The following DPP6 variants were observed in gnomAD, a reference collection of about 807,000 sequenced individuals.
DPP6 encodes the protein dipeptidyl peptidase like 6.
Under a neutral mutation model 122.6 loss-of-function variants are expected in DPP6, and 69 were observed. The observed-to-expected ratio is 0.56, with a 90% CI of 0.46 to 0.69. DPP6 has a LOEUF of 0.69. DPP6 is among the 30% of genes least tolerant of loss of function. DPP6 has a pLI of 0.00. For synonymous variants in DPP6, 418 were observed against 433.1 expected, an observed-to-expected ratio of 0.97 and a Z score of 0.43; for missense variants, 928 against 1,116.9, an observed-to-expected ratio of 0.83 and a Z score of 2.41.
At chr7:154,409,099 GCACCACTA>G (rs1305360371) in intron 1 of DPP6, among the ~76,000 whole-genome samples, 1 of 152,128 alleles carries the variant, frequency 6.6e-6, no homozygotes, top group East Asian at 1.9e-4. Flanking sequence ...AGCTGAGATT[GCACCACTA>G]CACTCTAGTC....
intron 1 of DPP6, among the ~76,000 whole-genome samples, chr7:154,039,349 T>A (rs1799655970): frequency 6.9e-6 from 1 of 143,942 alleles, no homozygotes; most frequent in Non-Finnish European, 1.5e-5. Flanking sequence ...ATCTGTAGTT[T>A]TTCAAAGATC....
intron 2 of DPP6, among the ~76,000 whole-genome samples, chr7:154,446,930 G>T (rs987776933): frequency 8.5e-5 from 13 of 152,216 alleles, no homozygotes; most frequent in African/African-American, 3.1e-4. Context: ...AGTACGTAAA[G>T]TGGGCTTAAT....
chr7:154,341,169 A>G (rs916383297), intron 1 of DPP6, among the ~76,000 whole-genome samples: 1 of 152,192 alleles, frequency 6.6e-6, no homozygotes. Flanking sequence ...GAAAACATCA[A>G]AAACATGCTG....
At chr7:153,904,156 A>G (rs1372792836) in intron 1 of DPP6, among the ~76,000 whole-genome samples, 5 of 152,114 alleles carry the variant, frequency 3.3e-5, no homozygotes, top group South Asian at 2.1e-4. Context: ...AGCTCAAGCA[A>G]TTCTCCTGCC....
At position 154,503,618 on chromosome 7, in the gene DPP6, T is replaced by C. The variant is rs368472258; in HGVS notation, c.457+28581T>C. Among the ~76,000 whole-genome samples the C allele has an allele frequency of 9.2e-5, 14 of 152,222 alleles. No homozygotes were observed. In the East Asian group the frequency reaches 9.6e-4, roughly 10 times the overall value. Reference sequence around the variant, plus strand: ...TTTTGTCAAATCTAACAGCAAAAGCTTCTCAGTAAAGGAGCATTTCAAGAA... The same window carrying C: ...TTTTGTCAAATCTAACAGCAAAAGCCTCTCAGTAAAGGAGCATTTCAAGAA... On this transcript the variant is annotated intron_variant, in intron 3 of 25. Transcript: ENST00000377770.
intron 1 of DPP6, among the ~76,000 whole-genome samples, chr7:154,295,028 C>A (rs929016384): frequency 1.3e-5 from 2 of 152,244 alleles, no homozygotes; most frequent in Non-Finnish European, 2.9e-5. Context: ...AACCTGTGGG[C>A]AGACCTGCCT....
chr7:154,332,535 G>C (rs117124652), intron 1 of DPP6, among the ~76,000 whole-genome samples: 1 of 152,234 alleles, frequency 6.6e-6, no homozygotes, highest in Non-Finnish European at 1.5e-5. Context: ...GGGTAGCAAC[G>C]TTTGGGGTCT....
At position 154,232,986 on chromosome 7, in the gene DPP6, C is replaced by T. The variant is rs977774591; in HGVS notation, c.243+179923C>T. On this transcript the variant is annotated intron_variant, in intron 1 of 25. Coordinates refer to ENST00000377770, the MANE Select transcript of DPP6 (RefSeq NM_130797.4). ...TATTTATATCACAGATTACAGATTT[C>T]CTGCTCGTGTCAAAAATAAGTCATT... 9.2e-5 allele frequency among the ~76,000 whole-genome samples: 14 copies of T among 152,314 alleles called. No homozygotes were observed. In the East Asian group the frequency reaches 2.3e-3, roughly 25 times the overall value.
chr7:154,533,801 C>T (rs948806982), intron 3 of DPP6, among the ~76,000 whole-genome samples: 1 of 151,998 alleles, frequency 6.6e-6, no homozygotes, highest in Admixed American at 6.6e-5. Flanking sequence ...GGTCTGAAAC[C>T]AGCCTGAATA....
At chr7:154,317,788 A>G (rs1221359821) in intron 1 of DPP6, among the ~76,000 whole-genome samples, 1 of 152,194 alleles carries the variant, frequency 6.6e-6, no homozygotes, top group Non-Finnish European at 1.5e-5. Context: ...TTGGCTTGAA[A>G]CACAAATTAT....
chr7:154,770,570 G>A (rs543738414), intron 9 of DPP6, among the ~76,000 whole-genome samples: 4 of 152,206 alleles, frequency 2.6e-5, no homozygotes, highest in Non-Finnish European at 5.9e-5. Flanking sequence ...GCCAGATACT[G>A]AATCAGCCAG....
At chr7:153,852,921 G>A in the DPP6 span, among the ~76,000 whole-genome samples, 1 of 152,060 alleles carries the variant, frequency 6.6e-6, no homozygotes, top group African/African-American at 2.4e-5. Flanking sequence ...GTAAAATTAA[G>A]GAAGAGAACG....
chr7:154,483,905 G>A lies in DPP6; in HGVS notation c.457+8868G>A, dbSNP rs987721456. ...AGACAGGGTTTCCCCATATTGCTCAGGCTGGTCTTGAACTCCTGACCTCGT... is the reference window on the plus strand; with the variant it reads ...AGACAGGGTTTCCCCATATTGCTCAAGCTGGTCTTGAACTCCTGACCTCGT... On this transcript the variant is annotated intron_variant, in intron 3 of 25. Coordinates refer to ENST00000377770, the MANE Select transcript of DPP6 (RefSeq NM_130797.4). The surrounding 1 kb of genome is among the most constrained non-coding windows in gnomAD (Gnocchi z 8.1). Among the ~76,000 whole-genome samples the A allele has an allele frequency of 6.6e-5, 10 of 152,134 alleles. No individual in the cohort carries two copies. Among genetic ancestry groups the A allele is most frequent in the Admixed American group, 2.0e-4 (3 of 15,268 alleles).
At chr7:154,801,572 C>A in intron 13 of DPP6, 110 bp downstream of exon 13, 1 of 1,415,372 alleles carries the variant, frequency 7.1e-7, no homozygotes, top group Non-Finnish European at 9.3e-7. Context: ...CCCAAGGAAT[C>A]TGAAGGTGGT....
At chr7:154,236,917 A>C (rs1483796972) in intron 1 of DPP6, among the ~76,000 whole-genome samples, 1 of 152,036 alleles carries the variant, frequency 6.6e-6, no homozygotes, top group African/African-American at 2.4e-5. Flanking sequence ...CCCAGCCTCC[A>C]TTGCACAACC....
At chr7:154,672,900 C>T (rs1399026391) in intron 7 of DPP6, among the ~76,000 whole-genome samples, 1 of 152,166 alleles carries the variant, frequency 6.6e-6, no homozygotes, top group Non-Finnish European at 1.5e-5. Context: ...ACAGTATAGA[C>T]AAGATGGGCA....
intron 4 of DPP6, among the ~76,000 whole-genome samples, chr7:154,541,525 A>G (rs907311577): frequency 2.0e-5 from 3 of 152,242 alleles, no homozygotes; most frequent in African/African-American, 7.2e-5. Context: ...ACCAAAATCA[A>G]TTTAAAGAGA....
chr7:154,051,684 A>G (rs1800330768), upstream of DPP6, among the ~76,000 whole-genome samples: 1 of 150,970 alleles, frequency 6.6e-6, no homozygotes, highest in Non-Finnish European at 1.5e-5. Flanking sequence ...TGCGTTCATG[A>G]TAATGAGAAT....
intron 1 of DPP6, among the ~76,000 whole-genome samples, chr7:153,923,779 AAAAG>A (rs1800759849): frequency 1.3e-5 from 2 of 151,100 alleles, no homozygotes; most frequent in African/African-American, 2.4e-5. Context: ...AAAAAAAAAA[AAAAG>A]AAGATTCCTT....
Sources: allele counts gnomAD v4.1 joint callset (sites outside exome capture counted in the v4.1 genomes callset), GRCh38; gene constraint gnomAD v4.1.1; non-coding constraint Gnocchi (gnomAD v3.1); transcripts MANE v1.5; gene names NCBI Gene and HGNC (gene_info 2026-07-23, HGNC 2026-07-21).